ANKS1B: variants seen among roughly 807,000 people sequenced by gnomAD.
ANKS1B encodes the protein ankyrin repeat and sterile alpha motif domain-containing protein 1B.
ANKS1B carries 36 observed loss-of-function variants against 148.3 expected under a neutral mutation model. The ratio of observed to expected loss-of-function variants is 0.24; its 90% CI spans 0.19 to 0.32. The LOEUF (loss-of-function observed/expected upper bound fraction) is 0.32, where lower values mean the gene tolerates loss of function less well. Among genes scored for constraint, ANKS1B ranks in the 10% least tolerant of loss-of-function variants. The pLI is 1.00. For missense variants in ANKS1B, 1,157 were observed against 1,542.6 expected (o/e 0.75, Z 4.19); for synonymous variants, 542 against 560.8 (o/e 0.97, Z 0.47).
Position 99,984,445 on chromosome 12 carries a change from T to G in ANKS1B, c.-208A>C. On this transcript the variant is annotated 5_prime_UTR_variant, in exon 1 of 27. An upstream start codon of the reference 5' UTR is lost. Transcript: ENST00000683438. ...AGCTTTTACAATGGGGATCAGACCA[T>G]GTCTTGAAAGAGGGGCTGGCCGAGC... 2.2e-6 allele frequency: 1 copy of G among 464,092 alleles called. No homozygotes were observed. Among genetic ancestry groups the G allele is most frequent in the Non-Finnish European group, 3.8e-6 (1 of 263,296 alleles). 28.7% of individuals were successfully genotyped at this position (464,092 alleles called of 1,614,324 possible). A position where few individuals can be genotyped will look rare whatever the true frequency, so the allele number is the denominator to read the frequency against.
At chr12:99,497,043 A>C (rs1473337924) in intron 10 of ANKS1B, among the ~76,000 whole-genome samples, 1 of 152,124 alleles carries the variant, frequency 6.6e-6, no homozygotes, top group African/African-American at 2.4e-5. Context: ...GCCATCCCTC[A>C]GTGTCCAAGG....
intron 14 of ANKS1B, among the ~76,000 whole-genome samples, chr12:99,168,013 C>A (rs138558532): frequency 6.6e-6 from 1 of 152,234 alleles, no homozygotes; most frequent in Non-Finnish European, 1.5e-5. Flanking sequence ...AATATAGTGA[C>A]AGAAAACAGA....
At chr12:99,245,205 C>T (rs2090054934) in intron 13 of ANKS1B, among the ~76,000 whole-genome samples, 1 of 152,156 alleles carries the variant, frequency 6.6e-6, no homozygotes. Flanking sequence ...TGATTACTGA[C>T]ATCCAATCAC....
intron 9 of ANKS1B, among the ~76,000 whole-genome samples, chr12:99,630,939 T>C (rs999395379): frequency 4.6e-5 from 7 of 152,144 alleles, no homozygotes; most frequent in Non-Finnish European, 1.0e-4. Context: ...AATTGAATCA[T>C]GGGAGCGGGT....
At chr12:99,585,466 G>A (rs1437811006) in intron 9 of ANKS1B, among the ~76,000 whole-genome samples, 1 of 152,116 alleles carries the variant, frequency 6.6e-6, no homozygotes, top group Non-Finnish European at 1.5e-5. Flanking sequence ...GGCACACAGT[G>A]CAACCTGTCA....
intron 1 of ANKS1B, among the ~76,000 whole-genome samples, chr12:99,876,744 AG>A (rs1402939862): frequency 1.1e-3 from 114 of 104,260 alleles, no homozygotes; most frequent in African/African-American, 1.9e-3. Context: ...AAAAAAAAAA[AG>A]AGAGAGAGAG....
chr12:99,943,145 C>T (rs2094960992), intron 1 of ANKS1B, among the ~76,000 whole-genome samples: 1 of 152,176 alleles, frequency 6.6e-6, no homozygotes, highest in South Asian at 2.1e-4. Flanking sequence ...AGAATTATGG[C>T]TGTAAAAAAT....
At chr12:99,118,230 T>C (rs1168860858) in intron 15 of ANKS1B, among the ~76,000 whole-genome samples, 3 of 152,216 alleles carry the variant, frequency 2.0e-5, no homozygotes, top group Non-Finnish European at 2.9e-5. Flanking sequence ...AAAATATTGA[T>C]CTAGTGGTTG....
intron 9 of ANKS1B, among the ~76,000 whole-genome samples, chr12:99,588,108 G>T (rs2097662509): frequency 6.7e-6 from 1 of 150,214 alleles, no homozygotes; most frequent in Non-Finnish European, 1.5e-5. Context: ...TAATACAGAA[G>T]AACAAATATC....
At chr12:99,179,244 C>T (rs965700637) in intron 14 of ANKS1B, among the ~76,000 whole-genome samples, 21 of 151,358 alleles carry the variant, frequency 1.4e-4, no homozygotes, top group Non-Finnish European at 2.4e-4. Context: ...CTGGCTAACA[C>T]GGTGAAACCC....
intron 17 of ANKS1B, among the ~76,000 whole-genome samples, chr12:98,848,743 G>GTTTTTTTTTTTTTT (rs10695483): frequency 0.09 from 4,330 of 48,000 alleles, 1,853 homozygotes; most frequent in African/African-American, 0.36. Context: ...TGTATGTGTG[G>GTTTTTTTTTTTTTT]TTTTTTTTTT....
At chr12:98,912,884 G>C (rs577470122) in intron 17 of ANKS1B, among the ~76,000 whole-genome samples, 2 of 152,290 alleles carry the variant, frequency 1.3e-5, no homozygotes, top group Middle Eastern at 3.4e-3. Context: ...CACAACTTTA[G>C]ATGGAAAGTG....
chr12:98,781,258 G>T, intron 23 of ANKS1B, 55 bp from the exon 24 acceptor site: 1 of 1,090,864 alleles, frequency 9.2e-7, no homozygotes. Context: ...GGCAACTGAA[G>T]CACACAATTT....
intron 12 of ANKS1B, among the ~76,000 whole-genome samples, chr12:99,320,986 C>T (rs1410169369): frequency 6.6e-6 from 1 of 152,174 alleles, no homozygotes; most frequent in Non-Finnish European, 1.5e-5. Flanking sequence ...ACCCTGTTTG[C>T]CTGAGTATCC....
chr12:99,459,489 T>A (rs370802591), intron 10 of ANKS1B, among the ~76,000 whole-genome samples: 10 of 152,174 alleles, frequency 6.6e-5, no homozygotes, highest in East Asian at 5.8e-4. Flanking sequence ...GCTGATGACA[T>A]GATCACATAC....
chr12:99,275,055 T>C (rs2077503290), intron 12 of ANKS1B, among the ~76,000 whole-genome samples: 1 of 152,218 alleles, frequency 6.6e-6, no homozygotes, highest in African/African-American at 2.4e-5. Flanking sequence ...GTTTTTATTT[T>C]AAAATTTTTG....
intron 11 of ANKS1B, among the ~76,000 whole-genome samples, chr12:99,401,351 C>A (rs11616047): frequency 0.13 from 19,003 of 145,686 alleles, 3,239 homozygotes; most frequent in African/African-American, 0.17. Context: ...TGGAGCCCAT[C>A]ATTCTAGGCT....
At chr12:98,926,519 T>C (rs1284156383) in intron 17 of ANKS1B, among the ~76,000 whole-genome samples, 2 of 152,042 alleles carry the variant, frequency 1.3e-5, no homozygotes, top group East Asian at 1.9e-4. Flanking sequence ...GTATGGCCCA[T>C]ACACAGGAAA....
chr12:98,946,130 A>G (rs1375071565), intron 17 of ANKS1B, among the ~76,000 whole-genome samples: 1 of 152,204 alleles, frequency 6.6e-6, no homozygotes, highest in African/African-American at 2.4e-5. Flanking sequence ...GTTTGGGTTG[A>G]TTCGATGCTA....
Sources: allele counts gnomAD v4.1 joint callset (sites outside exome capture counted in the v4.1 genomes callset), GRCh38; gene constraint gnomAD v4.1.1; transcripts MANE v1.5; gene names NCBI Gene and HGNC (gene_info 2026-07-23, HGNC 2026-07-21).